The following PELI2 variants were observed in gnomAD, a reference collection of about 807,000 sequenced individuals.
PELI2 encodes the protein pellino E3 ubiquitin protein ligase family member 2.
A neutral mutation model predicts 42.3 loss-of-function variants in PELI2; 23 were observed. That is an observed-to-expected ratio of 0.54 (90% confidence interval 0.39 to 0.77). The LOEUF is 0.77. PELI2 is among the 30% of genes least tolerant of loss of function. PELI2 has a pLI of 0.00. For synonymous variants in PELI2, 245 were observed against 212.2 expected, an observed-to-expected ratio of 1.15 and a Z score of -1.34; for missense variants, 463 against 553.2, an observed-to-expected ratio of 0.84 and a Z score of 1.64.
At chr14:56,132,999 GC>G (rs1308332841) in intron 1 of PELI2, among the ~76,000 whole-genome samples, 1 of 151,938 alleles carries the variant, frequency 6.6e-6, no homozygotes, top group Non-Finnish European at 1.5e-5. Flanking sequence ...AATTTAAAAG[GC>G]TGTATACTAA....
chr14:56,142,737 TAGG>T (rs1230955932), intron 1 of PELI2, among the ~76,000 whole-genome samples: 1 of 152,024 alleles, frequency 6.6e-6, no homozygotes, highest in African/African-American at 2.4e-5. Context: ...TTAATAAAAA[TAGG>T]AGTACATAGC....
chr14:56,191,436 AC>A (rs1885944953), intron 2 of PELI2, among the ~76,000 whole-genome samples: 1 of 152,216 alleles, frequency 6.6e-6, no homozygotes, highest in Non-Finnish European at 1.5e-5. Context: ...AGTGTGGCTG[AC>A]TGGCAGCAGC....
At position 56,276,158 on chromosome 14, in the gene PELI2, G is replaced by A. The variant is rs7161627; in HGVS notation, c.208-3518G>A. On this transcript the variant is annotated intron_variant, in intron 2 of 5. Coordinates refer to ENST00000267460, the MANE Select transcript of PELI2 (RefSeq NM_021255.3). ...GCCATATGTACTTGCAGACTTTTCC[G>A]TAAGACATGACCCAAGAAGGAAAGT... is the stretch of plus-strand genomic sequence containing the variant. Among the ~76,000 whole-genome samples, 1,070 of 152,188 alleles carry A rather than the reference G, an allele frequency of 7.0e-3. 11 individuals carry two copies. The highest frequency in any genetic ancestry group is 0.024 in the African/African-American group (1,014 of 41,506).
intron 2 of PELI2, among the ~76,000 whole-genome samples, chr14:56,263,437 A>G (rs1888794379): frequency 6.6e-6 from 1 of 152,212 alleles, no homozygotes; most frequent in Non-Finnish European, 1.5e-5. Context: ...TCATCTAAAC[A>G]TTGAATTACA....
In PELI2 at chr14:56,301,496, T is replaced by A. The variant is rs1362408976; in HGVS notation, c.*4330T>A. The A allele has an allele frequency of 6.6e-6, 1 of 152,250 alleles. No individual in the cohort carries two copies. Among genetic ancestry groups the A allele is most frequent in the Non-Finnish European group, 1.5e-5 (1 of 68,036 alleles). 9.4% of individuals were successfully genotyped at this position (152,250 alleles called of 1,614,324 possible). A position where few individuals can be genotyped will look rare whatever the true frequency, so the allele number is the denominator to read the frequency against. On this transcript the variant is annotated 3_prime_UTR_variant, in exon 6 of 6. Transcript: ENST00000267460. ...TTGATTCTGAAAATCCCCTACATTTTTTAATTAAAGAAATTTCCTTGGTGC... is the reference window on the plus strand; with the variant it reads ...TTGATTCTGAAAATCCCCTACATTTATTAATTAAAGAAATTTCCTTGGTGC...
chr14:56,286,149 C>T (rs1889638226), intron 3 of PELI2, among the ~76,000 whole-genome samples: 1 of 152,144 alleles, frequency 6.6e-6, no homozygotes, highest in South Asian at 2.1e-4. Context: ...TGTGTGAAAG[C>T]TGATGGCATG....
intron 1 of PELI2, among the ~76,000 whole-genome samples, chr14:56,146,232 A>G (rs1248035008): frequency 6.6e-6 from 1 of 152,186 alleles, no homozygotes; most frequent in African/African-American, 2.4e-5. Context: ...CCCCAAATGC[A>G]TCATCTGTGT....
At chr14:56,254,126 C>T (rs559839905) in intron 2 of PELI2, among the ~76,000 whole-genome samples, 72 of 152,256 alleles carry the variant, frequency 4.7e-4, no homozygotes, top group African/African-American at 1.7e-3. Context: ...GTTGGCCAGG[C>T]GTGGTGGCTC....
intron 2 of PELI2, among the ~76,000 whole-genome samples, chr14:56,242,788 T>C (rs560286173): frequency 6.6e-6 from 1 of 152,268 alleles, no homozygotes; most frequent in African/African-American, 2.4e-5. Context: ...CAGTTGTAAG[T>C]GGGAGCTAAA....
chr14:56,243,533 G>T (rs1272581515), intron 2 of PELI2, among the ~76,000 whole-genome samples: 1 of 152,234 alleles, frequency 6.6e-6, no homozygotes, highest in Non-Finnish European at 1.5e-5. Context: ...TTCTAAGGTT[G>T]TTGTGAAGAG....
At chr14:56,185,276 A>G (rs565266426) in intron 2 of PELI2, among the ~76,000 whole-genome samples, 5 of 152,174 alleles carry the variant, frequency 3.3e-5, no homozygotes, top group South Asian at 4.1e-4. Context: ...TTATGTTTTT[A>G]TGTAGTTCTT....
chr14:56,285,375 C>T (rs1423947924), intron 3 of PELI2, among the ~76,000 whole-genome samples: 2 of 152,018 alleles, frequency 1.3e-5, no homozygotes, highest in African/African-American at 4.8e-5. Context: ...TAGGGAAGCC[C>T]CAGGGTGAAG....
chr14:56,256,689 A>G (rs944570406), intron 2 of PELI2, among the ~76,000 whole-genome samples: 1 of 152,192 alleles, frequency 6.6e-6, no homozygotes, highest in African/African-American at 2.4e-5. Context: ...AGTAACTAAT[A>G]TGTAGAATAA....
intron 2 of PELI2, among the ~76,000 whole-genome samples, chr14:56,277,596 C>T (rs1654496233): frequency 2.0e-5 from 3 of 151,968 alleles, no homozygotes; most frequent in African/African-American, 7.2e-5. Flanking sequence ...TGATCCAGTC[C>T]ATGGAAAAAT....
In PELI2 at chr14:56,290,343, C is replaced by G; in HGVS notation, c.583C>G (p.Pro195Ala). Residue 195 changes from proline (P) to alanine (A), a missense_variant, in exon 5 of 6, where the codon CCA becomes GCA. By Grantham distance (27) the Pro-to-Ala change is conservative (BLOSUM62 -1). Around this residue, in one of 3 missense-constraint regions of PELI2, gnomAD observed 343 missense variants for 378.4 expected, o/e 0.91. Coordinates refer to ENST00000267460, the MANE Select transcript of PELI2 (RefSeq NM_021255.3). ...TACTAATGGCGTCCTGGTGATGCAT[C>G]CACGAGGGGGCTTCACCGAGGAGTC... ...LTTNGVLVMH[P>A]RGGFTEESQP... The G allele has an allele frequency of 6.2e-7, 1 of 1,613,562 alleles. No individual in the cohort carries two copies. Among genetic ancestry groups the G allele is most frequent in the African/African-American group, 1.3e-5 (1 of 75,008 alleles).
At chr14:56,237,972 T>C (rs1887855219) in intron 2 of PELI2, among the ~76,000 whole-genome samples, 1 of 152,130 alleles carries the variant, frequency 6.6e-6, no homozygotes. Context: ...GGACAGTATG[T>C]CTTTAAAAAA....
At position 56,300,189 on chromosome 14, in the gene PELI2, C is replaced by T. The variant is rs1890131856; in HGVS notation, c.*3023C>T. 1 of 152,484 alleles carries T rather than the reference C, an allele frequency of 6.6e-6. No individual in the cohort carries two copies. Among genetic ancestry groups the T allele is most frequent in the African/African-American group, 2.4e-5 (1 of 41,368 alleles). The allele number at this position is 152,484 out of a possible 1,614,324, so 9.4% of individuals were successfully genotyped here. On this transcript the variant is annotated 3_prime_UTR_variant, in exon 6 of 6. Coordinates refer to ENST00000267460, the MANE Select transcript of PELI2 (RefSeq NM_021255.3). ...ATTATAGACTTTGGTACCTTTGTGC[C>T]TCAGGGAAGCCACGTGATATAACTG...
intron 1 of PELI2, among the ~76,000 whole-genome samples, chr14:56,135,288 G>A (rs1883645405): frequency 1.3e-5 from 2 of 152,206 alleles, no homozygotes; most frequent in South Asian, 4.1e-4. Context: ...TGTGAATTGT[G>A]GCTTTGGGAA....
intron 2 of PELI2, among the ~76,000 whole-genome samples, chr14:56,230,380 C>G (rs1265815694): frequency 6.6e-6 from 1 of 152,164 alleles, no homozygotes; most frequent in South Asian, 2.1e-4. Context: ...AAGGGAAGCC[C>G]ATCAGACTAA....
Sources: gnomAD v4.1 joint callset for allele counts (sites outside exome capture counted in the v4.1 genomes callset) on GRCh38, gnomAD v4.1.1 for gene constraint, gnomAD v4.1.1 regional missense constraint, MANE v1.5 for transcripts, NCBI Gene and HGNC (gene_info 2026-07-23, HGNC 2026-07-21) for gene names.